ITPR2: variants seen among roughly 807,000 people sequenced by gnomAD.
The protein encoded by ITPR2 is inositol 1,4,5-trisphosphate-gated calcium channel ITPR2.
A neutral mutation model predicts 317.1 loss-of-function variants in ITPR2; 207 were observed. The ratio of observed to expected loss-of-function variants is 0.65; its 90% CI spans 0.58 to 0.73. The LOEUF (loss-of-function observed/expected upper bound fraction) is 0.73, where lower values mean the gene tolerates loss of function less well. Ranked by LOEUF, ITPR2 falls within the 30% of genes least tolerant of loss-of-function variation. The pLI, the probability that ITPR2 is intolerant of heterozygous loss-of-function variation, is 0.00. For missense variants in ITPR2, 2,613 were observed against 3,284.0 expected (o/e 0.80, Z 4.99); for synonymous variants, 1,156 against 1,149.1 (o/e 1.01, Z -0.12).
intron 34 of ITPR2, among the ~76,000 whole-genome samples, chr12:26,567,989 T>TATATATATTATATATATTATATATATA (rs1945040877): frequency 3.5e-4 from 2 of 5,638 alleles, no homozygotes; most frequent in African/African-American, 9.2e-4. Flanking sequence ...TATATATATA[T>TATATATATTATATATATTATATATATA]ATATATATTA....
chr12:26,751,900 C>T (rs1053882469), intron 2 of ITPR2, among the ~76,000 whole-genome samples: 3 of 151,464 alleles, frequency 2.0e-5, no homozygotes, highest in African/African-American at 4.9e-5. Context: ...GGCCCTAAAA[C>T]CCACACTGTA....
At chr12:26,635,730 C>G (rs1054681878) in intron 21 of ITPR2, among the ~76,000 whole-genome samples, 1 of 152,196 alleles carries the variant, frequency 6.6e-6, no homozygotes, top group Non-Finnish European at 1.5e-5. Flanking sequence ...ATTTCCCATC[C>G]CAGCTTAGCA....
intron 52 of ITPR2, among the ~76,000 whole-genome samples, chr12:26,410,546 C>T (rs1046832418): frequency 6.6e-6 from 1 of 152,176 alleles, no homozygotes; most frequent in African/African-American, 2.4e-5. Context: ...TTAACTCTTT[C>T]TTCCCTTATC....
chr12:26,828,144 T>C (rs1317536147), intron 1 of ITPR2, among the ~76,000 whole-genome samples: 2 of 152,196 alleles, frequency 1.3e-5, no homozygotes, highest in Non-Finnish European at 2.9e-5. Flanking sequence ...ATATGGCTAA[T>C]TAGCAGCAGA....
In ITPR2 at chr12:26,682,572, A is replaced by T; in HGVS notation, c.1248+2T>A. 1 of 1,583,772 alleles carries T rather than the reference A, an allele frequency of 6.3e-7. No individual in the cohort carries two copies. Among genetic ancestry groups the T allele is most frequent in the Non-Finnish European group, 8.6e-7 (1 of 1,156,288 alleles). On this transcript the variant is annotated splice_donor_variant, in intron 12 of 56. Coordinates refer to ENST00000381340, the MANE Select transcript of ITPR2 (RefSeq NM_002223.4). LOFTEE classifies it high-confidence loss of function. ...AATTAAACCATCTTCAGTGACATTT[A>T]CCTTTAACATAACAGGCCTCTCTTC...
chr12:26,467,949 T>G (rs10842737), intron 45 of ITPR2, among the ~76,000 whole-genome samples: 13,732 of 152,238 alleles, frequency 0.09, 1,291 homozygotes, highest in African/African-American at 0.23. Flanking sequence ...GAAAGTTTCT[T>G]TTGTAAAAAT....
rs752619136 is a variant in ITPR2 at position 26,335,641 on chromosome 12, T to G, written c.*3756A>C. ...TTTTCTTCTATTAAGTGAGATAGCT[T>G]TCTCAATAATTATATCAGAAACAGC... On this transcript the variant is annotated 3_prime_UTR_variant, in exon 57 of 57. Transcript: ENST00000381340. 6.6e-6 allele frequency among the ~76,000 whole-genome samples: 1 copy of G among 152,200 alleles called. No homozygotes were observed. The highest frequency in any genetic ancestry group is 1.5e-5 in the Non-Finnish European group (1 of 68,030).
chr12:26,532,566 T>C (rs72640143), intron 37 of ITPR2, among the ~76,000 whole-genome samples: 4,576 of 152,228 alleles, frequency 0.03, 463 homozygotes, highest in East Asian at 0.19. Context: ...AAGTAACTTT[T>C]TGTAAAGTGT....
intron 32 of ITPR2, among the ~76,000 whole-genome samples, chr12:26,590,665 C>T (rs1042337734): frequency 6.6e-6 from 1 of 152,134 alleles, no homozygotes; most frequent in Non-Finnish European, 1.5e-5. Flanking sequence ...AACCTTGAAA[C>T]CACTACAAGA....
chr12:26,660,513 C>G (rs1947473057), intron 15 of ITPR2, among the ~76,000 whole-genome samples: 1 of 152,174 alleles, frequency 6.6e-6, no homozygotes, highest in African/African-American at 2.4e-5. Flanking sequence ...GACAAGACAA[C>G]TGATAGATTA....
At chr12:26,661,016 T>A (rs1158858456) in intron 15 of ITPR2, among the ~76,000 whole-genome samples, 4 of 151,778 alleles carry the variant, frequency 2.6e-5, no homozygotes, top group Non-Finnish European at 5.9e-5. Context: ...ATCAGAAAGC[T>A]GCTTTATGCT....
intron 10 of ITPR2, among the ~76,000 whole-genome samples, chr12:26,693,371 T>C (rs1183349104): frequency 1.3e-5 from 2 of 152,200 alleles, no homozygotes; most frequent in African/African-American, 4.8e-5. Flanking sequence ...CATGGATATA[T>C]GATCATTTAT....
chr12:26,797,452 T>C (rs917145439), intron 1 of ITPR2, among the ~76,000 whole-genome samples: 5 of 152,226 alleles, frequency 3.3e-5, no homozygotes, highest in African/African-American at 1.2e-4. Flanking sequence ...ATCTGGAATA[T>C]ATTATAAAAT....
intron 2 of ITPR2, among the ~76,000 whole-genome samples, chr12:26,786,449 T>TAAAAAAAAAAAAAAAAAAAAA (rs59014121): frequency 3.4e-5 from 4 of 119,226 alleles, no homozygotes; most frequent in African/African-American, 1.5e-4. Context: ...GAATGATCAA[T>TAAAAAAAAAAAAAAAAAAAAA]AAAAAAAAAA....
chr12:26,784,347 C>G (rs1335431687), intron 2 of ITPR2, among the ~76,000 whole-genome samples: 5 of 47,104 alleles, frequency 1.1e-4, no homozygotes, highest in African/African-American at 2.4e-4. Context: ...CCCTCTCCCT[C>G]TCCCTCTCCC....
chr12:26,740,136 G>C (rs1949204876), intron 2 of ITPR2, among the ~76,000 whole-genome samples: 1 of 152,134 alleles, frequency 6.6e-6, no homozygotes, highest in Non-Finnish European at 1.5e-5. Context: ...TCTTAACACA[G>C]CACACAATAA....
At chr12:26,424,039 T>C (rs1453690673) in intron 49 of ITPR2, among the ~76,000 whole-genome samples, 2 of 152,142 alleles carry the variant, frequency 1.3e-5, no homozygotes, top group Non-Finnish European at 2.9e-5. Flanking sequence ...TGGCTTAACA[T>C]TGTGAAAAAC....
Position 26,550,075 on chromosome 12 carries a change from C to T in ITPR2, c.5073+172G>A, listed in dbSNP as rs116951029. ...ATTTTAGTTATTTCCCAGTTTAAAA[C>T]AAGGCATGAGAGATGAATATCATAA... On this transcript the variant is annotated intron_variant, in intron 37 of 56. Coordinates refer to ENST00000381340, the MANE Select transcript of ITPR2 (RefSeq NM_002223.4). Among the ~76,000 whole-genome samples the T allele has an allele frequency of 2.1e-3, 326 of 151,932 alleles. 1 individual carries two copies. The highest frequency in any genetic ancestry group is 3.7e-3 in the Non-Finnish European group (250 of 67,900).
chr12:26,810,373 T>C (rs1343117689), intron 1 of ITPR2, among the ~76,000 whole-genome samples: 1 of 152,218 alleles, frequency 6.6e-6, no homozygotes, highest in Non-Finnish European at 1.5e-5. Context: ...TATTCAATGT[T>C]TGAAATGTAA....
Sources: allele counts gnomAD v4.1 joint callset (sites outside exome capture counted in the v4.1 genomes callset), GRCh38; gene constraint gnomAD v4.1.1; transcripts MANE v1.5; gene names NCBI Gene and HGNC (gene_info 2026-07-23, HGNC 2026-07-21).